The following ADCY9 variants were observed in gnomAD, a reference collection of about 807,000 sequenced individuals.
The protein encoded by ADCY9 is adenylate cyclase type 9.
ADCY9 carries 50 observed loss-of-function variants against 101.5 expected under a neutral mutation model. That is an observed-to-expected ratio of 0.49 (90% CI 0.39 to 0.62). ADCY9 has a LOEUF of 0.62. ADCY9 is among the 20% of genes least tolerant of loss of function. ADCY9 has a pLI of 0.00. For synonymous variants in ADCY9, 905 were observed against 769.3 expected (o/e 1.18, Z -2.92); for missense variants, 1,662 against 1,800.4 (o/e 0.92, Z 1.39).
At chr16:4,019,139 C>T (rs1391140162) in intron 2 of ADCY9, among the ~76,000 whole-genome samples, 2 of 152,012 alleles carry the variant, frequency 1.3e-5, no homozygotes, top group Non-Finnish European at 2.9e-5. Context: ...CCAAGCCCAC[C>T]TTCTTTTAAA....
At chr16:4,097,547 A>ATTTT (rs1393767540) in intron 2 of ADCY9, among the ~76,000 whole-genome samples, 9 of 46,722 alleles carry the variant, frequency 1.9e-4, no homozygotes, top group East Asian at 6.0e-4. Flanking sequence ...ATATATATAT[A>ATTTT]TATATATTTT....
intron 2 of ADCY9, among the ~76,000 whole-genome samples, chr16:4,043,542 CACGTGCCTGTA>C (rs758609577): frequency 7.4e-4 from 112 of 151,552 alleles, no homozygotes; most frequent in Non-Finnish European, 1.3e-3. Flanking sequence ...GGCATGGTGG[CACGTGCCTGTA>C]ATCTCAGCTG....
intron 2 of ADCY9, among the ~76,000 whole-genome samples, chr16:4,028,946 G>C (rs557957660): frequency 3.9e-5 from 6 of 151,976 alleles, no homozygotes; most frequent in Admixed American, 3.3e-4. Flanking sequence ...CACTGCACGC[G>C]GCTAATTTTC....
chr16:4,114,939 G>A lies in ADCY9; in HGVS notation c.504C>T (p.Tyr168=), dbSNP rs756426544. The A allele has an allele frequency of 1.7e-5, 27 of 1,613,964 alleles. No individual in the cohort carries two copies. In the South Asian group the frequency reaches 2.2e-4, roughly 13 times the overall value. Residue 168 remains tyrosine (Y), a synonymous_variant, in exon 2 of 11, where the codon TAC becomes TAT. Transcript: ENST00000294016. The surrounding 1 kb of genome is among the most constrained non-coding windows in gnomAD (Gnocchi z 4.3). ...GFFLFTFTKL[Y]ARHYAWTSLA... is the part of the protein sequence containing the mutation. ...GCGAGGTCCACGCGTAATGCCGGGC[G>A]TACAGCTTGGTGAAGGTAAACAGAA...
downstream of ADCY9, among the ~76,000 whole-genome samples, chr16:3,962,093 C>G (rs2141665038): frequency 6.6e-6 from 1 of 152,204 alleles, no homozygotes. Flanking sequence ...GCTCTAACCC[C>G]TGGAAGATCC....
rs2057141752 is a variant in ADCY9 at position 4,115,206 on chromosome 16, C to A, written c.237G>T (p.Leu79=). 2 of 1,613,576 alleles carry A rather than the reference C, an allele frequency of 1.2e-6. No individual in the cohort carries two copies. Among genetic ancestry groups the A allele is most frequent in the Middle Eastern group, 1.7e-4 (1 of 6,060 alleles). Residue 79 remains leucine (L), a synonymous_variant, in exon 2 of 11, where the codon CTG becomes CTT. Coordinates refer to ENST00000294016, the MANE Select transcript of ADCY9 (RefSeq NM_001116.4). The surrounding 1 kb of genome is among the most constrained non-coding windows in gnomAD (Gnocchi z 6.2). ...GGGRLRRQKK[L]PQLFERASSR... Reference sequence around the variant, plus strand: ...TGGAGGCCCTCTCGAACAGCTGGGGCAGCTTCTTCTGCCTGCGCAGCCGGC... The same window carrying A: ...TGGAGGCCCTCTCGAACAGCTGGGGAAGCTTCTTCTGCCTGCGCAGCCGGC...
In ADCY9 at chr16:4,036,485, G is replaced by A. The variant is rs1386852835; in HGVS notation, c.1694-28927C>T. 1.2e-4 allele frequency among the ~76,000 whole-genome samples: 10 copies of A among 80,592 alleles called. No individual in the cohort carries two copies. In the South Asian group the frequency reaches 4.3e-3, roughly 34 times the overall value. 52.9% of individuals were successfully genotyped at this position (80,592 alleles called of 152,430 possible). On this transcript the variant is annotated intron_variant, in intron 2 of 10. Transcript: ENST00000294016. ...TTGTTTTTTTTTTTTTTTTTTTTGA[G>A]ACAATCTCGCTCTGTCACCCAGGCT...
At chr16:4,113,544 G>C (rs867332284) in intron 2 of ADCY9, among the ~76,000 whole-genome samples, 3 of 152,090 alleles carry the variant, frequency 2.0e-5, no homozygotes, top group African/African-American at 4.8e-5. Context: ...GGTCATCTCT[G>C]CACAGCGTCC....
intron 2 of ADCY9, among the ~76,000 whole-genome samples, chr16:4,098,968 T>G (rs2057025837): frequency 6.6e-6 from 1 of 152,182 alleles, no homozygotes; most frequent in Admixed American, 6.5e-5. Flanking sequence ...GTTCTCACCG[T>G]GTCACCCAGG....
intron 2 of ADCY9, among the ~76,000 whole-genome samples, chr16:4,094,958 A>G (rs550916086): frequency 6.6e-6 from 1 of 152,270 alleles, no homozygotes; most frequent in African/African-American, 2.4e-5. Flanking sequence ...AACTTTTTAT[A>G]AATCTTTGAC....
chr16:4,025,925 T>C (rs2056511897), intron 2 of ADCY9, among the ~76,000 whole-genome samples: 2 of 152,126 alleles, frequency 1.3e-5, no homozygotes, highest in Admixed American at 1.3e-4. Flanking sequence ...AGAAAGTATC[T>C]AAAATCTTCC....
rs144932223 is a variant in ADCY9 at position 4,018,913 on chromosome 16, G to A, written c.1694-11355C>T. Among the ~76,000 whole-genome samples the A allele has an allele frequency of 2.3e-3, 276 of 121,370 alleles. 2 individuals carry two copies. Among genetic ancestry groups the A allele is most frequent in the African/African-American group, 7.8e-3 (271 of 34,832 alleles). 79.6% of individuals were successfully genotyped at this position (121,370 alleles called of 152,430 possible). ...TGAAATACTATGGACTATGTATTTCGGACTTCCTTTTTCTGAACTTTTCTG... is the reference window on the plus strand; with the variant it reads ...TGAAATACTATGGACTATGTATTTCAGACTTCCTTTTTCTGAACTTTTCTG... On this transcript the variant is annotated intron_variant, in intron 2 of 10. Transcript: ENST00000294016.
At chr16:4,032,030 C>T (rs546314101) in intron 2 of ADCY9, 1 of 152,100 alleles carries the variant, frequency 6.6e-6, no homozygotes, top group Non-Finnish European at 1.5e-5. Flanking sequence ...CGCAGTGGCT[C>T]ACACCTCCCC....
At position 3,964,754 on chromosome 16, in the gene ADCY9, G is replaced by A. The variant is rs1172719211; in HGVS notation, c.*1021C>T. The A allele has an allele frequency of 1.3e-5, 2 of 152,468 alleles. No individual in the cohort carries two copies. The highest frequency in any genetic ancestry group is 4.8e-5 in the African/African-American group (2 of 41,462). 9.4% of individuals were successfully genotyped at this position (152,468 alleles called of 1,614,324 possible). A position where few individuals can be genotyped will look rare whatever the true frequency, so the allele number is the denominator to read the frequency against. ...ACCCCTCTTGGGGTGGGGAGGTTGG[G>A]GGCGGCCCCAGGTGGCCAAAACACA... On this transcript the variant is annotated 3_prime_UTR_variant, in exon 11 of 11. Coordinates refer to ENST00000294016, the MANE Select transcript of ADCY9 (RefSeq NM_001116.4).
At position 3,965,881 on chromosome 16, in the gene ADCY9, T is replaced by C; in HGVS notation, c.3956A>G (p.Glu1319Gly). ...GGCTTTGCCAAATCGACCCCTTTCT[T>C]CGGCTTTGACGGGCTCCTTCCACGG... ...KRPWKEPVKA[E>G]ERGRFGKAIE... Residue 1319 changes from glutamate to glycine, a missense_variant, in exon 11 of 11, where the codon GAA becomes GGA. Physicochemically the swap from Glu to Gly is moderately conservative, Grantham distance 98. Coordinates refer to ENST00000294016, the MANE Select transcript of ADCY9 (RefSeq NM_001116.4). 2 of 1,614,198 alleles carry C rather than the reference T, an allele frequency of 1.2e-6. No individual in the cohort carries two copies. Among genetic ancestry groups the C allele is most frequent in the South Asian group, 1.1e-5 (1 of 91,090 alleles).
At chr16:4,077,275 C>G (rs2532017) in intron 2 of ADCY9, among the ~76,000 whole-genome samples, 36 of 151,946 alleles carry the variant, frequency 2.4e-4, no homozygotes, top group African/African-American at 7.0e-4. Context: ...CTTGTCCCCC[C>G]CCGAGGACAC....
At chr16:4,065,216 T>A (rs1053661367) in intron 2 of ADCY9, among the ~76,000 whole-genome samples, 2 of 152,174 alleles carry the variant, frequency 1.3e-5, no homozygotes, top group Non-Finnish European at 1.5e-5. Context: ...AGTGGTGCTC[T>A]AAGATCAAAG....
rs58093859 is a variant in ADCY9, at chr16:4,018,951, T to TTG, written c.1694-11395_1694-11394dup. Reference sequence around the variant, plus strand: ...CTGAACTTTTCTGGAAGAATCGCAGTTGTGTGTGTGTGTGTGTGTTTTGTT... The same window carrying TTG: ...CTGAACTTTTCTGGAAGAATCGCAGTTGTGTGTGTGTGTGTGTGTGTTTTGTT... On this transcript the variant is annotated intron_variant, in intron 2 of 10. Transcript: ENST00000294016. 4.3e-3 allele frequency among the ~76,000 whole-genome samples: 596 copies of TTG among 138,926 alleles called. 5 individuals are homozygous for TTG. Among genetic ancestry groups the TTG allele is most frequent in the African/African-American group, 0.015 (563 of 37,954 alleles). 91.1% of individuals were successfully genotyped at this position (138,926 alleles called of 152,430 possible). A position where few individuals can be genotyped will look rare whatever the true frequency, so the allele number is the denominator to read the frequency against.
chr16:4,067,484 G>C (rs1169564243), intron 2 of ADCY9, among the ~76,000 whole-genome samples: 1 of 152,068 alleles, frequency 6.6e-6, no homozygotes, highest in Non-Finnish European at 1.5e-5. Context: ...GATGGGTCTG[G>C]GTCAAACCCA....
Sources: allele counts gnomAD v4.1 joint callset (sites outside exome capture counted in the v4.1 genomes callset), GRCh38; gene constraint gnomAD v4.1.1; non-coding constraint Gnocchi (gnomAD v3.1); transcripts MANE v1.5; gene names NCBI Gene and HGNC (gene_info 2026-07-23, HGNC 2026-07-21).